SERINC5: variants seen among roughly 807,000 people sequenced by gnomAD.
SERINC5 encodes the protein serine incorporator 5, also known as chromosome 5 open reading frame 12.
Under a neutral mutation model 63.1 loss-of-function variants are expected in SERINC5, and 41 were observed. The ratio of observed to expected loss-of-function variants is 0.65; its 90% CI spans 0.51 to 0.84. SERINC5 has a LOEUF of 0.84. Among genes scored for constraint, SERINC5 ranks in the 40% least tolerant of loss-of-function variants. The pLI is 0.00. For missense variants in SERINC5, 523 were observed against 573.0 expected (o/e 0.91, Z 0.89); for synonymous variants, 222 against 215.2 (o/e 1.03, Z -0.28).
chr5:80,218,760 C>T (rs1300240310), intron 1 of SERINC5, among the ~76,000 whole-genome samples: 1 of 152,060 alleles, frequency 6.6e-6, no homozygotes, highest in East Asian at 1.9e-4. Context: ...CCTTCCTGCG[C>T]TTCTGAGAAG....
At chr5:80,160,726 T>C (rs1293193740) in intron 7 of SERINC5, among the ~76,000 whole-genome samples, 1 of 152,048 alleles carries the variant, frequency 6.6e-6, no homozygotes, top group Non-Finnish European at 1.5e-5. Flanking sequence ...GTCTTCACTA[T>C]CATTCCACAC....
At chr5:80,207,009 A>T (rs565081692) in intron 1 of SERINC5, among the ~76,000 whole-genome samples, 1 of 151,520 alleles carries the variant, frequency 6.6e-6, no homozygotes, top group African/African-American at 2.4e-5. Flanking sequence ...ATATATATAT[A>T]TATTTTTTAG....
chr5:80,165,995 A>C (rs1265555425), intron 7 of SERINC5, among the ~76,000 whole-genome samples: 1 of 152,162 alleles, frequency 6.6e-6, no homozygotes, highest in Non-Finnish European at 1.5e-5. Flanking sequence ...GTAGGCGTAC[A>C]TATTTCTGTG....
At chr5:80,173,561 A>C (rs1480823069) in intron 5 of SERINC5, among the ~76,000 whole-genome samples, 1 of 152,146 alleles carries the variant, frequency 6.6e-6, no homozygotes, top group East Asian at 1.9e-4. Flanking sequence ...GTGCCACTGC[A>C]CTCCAGCCTG....
At position 80,139,474 on chromosome 5, in the gene SERINC5, TC is replaced by T. The variant is rs1427015527; in HGVS notation, c.*4188del. On this transcript the variant is annotated 3_prime_UTR_variant, in exon 12 of 12. Coordinates refer to ENST00000507668, the MANE Select transcript of SERINC5 (RefSeq NM_001174072.3). ...GACATATGCATTCTTAATCTGCCCT[TC>T]CCCATTTGTTTCTTTCTGAAAGGAT... The T allele has an allele frequency of 1.0e-6, 1 of 983,510 alleles. No homozygotes were observed. Among genetic ancestry groups the T allele is most frequent in the Non-Finnish European group, 1.2e-6 (1 of 828,562 alleles). The allele number at this position is 983,510 out of a possible 1,614,324, so 60.9% of individuals were successfully genotyped here.
chr5:80,182,018 A>C (rs1251497605), intron 2 of SERINC5, among the ~76,000 whole-genome samples: 1 of 152,216 alleles, frequency 6.6e-6, no homozygotes, highest in African/African-American at 2.4e-5. Context: ...TTAATCAGTA[A>C]CATTTATATA....
chr5:80,227,411 G>C (rs890445087), intron 1 of SERINC5, among the ~76,000 whole-genome samples: 7 of 151,910 alleles, frequency 4.6e-5, no homozygotes, highest in African/African-American at 7.3e-5. Context: ...GTGCTGCTAT[G>C]GTGCCGTCTC....
chr5:80,148,771 C>T (rs986800551), intron 9 of SERINC5, among the ~76,000 whole-genome samples: 5 of 152,072 alleles, frequency 3.3e-5, no homozygotes, highest in Non-Finnish European at 5.9e-5. Context: ...CACTTTGTGG[C>T]TGAAGATATT....
At chr5:80,152,967 A>G (rs1746280894) in intron 8 of SERINC5, among the ~76,000 whole-genome samples, 1 of 152,206 alleles carries the variant, frequency 6.6e-6, no homozygotes. Flanking sequence ...GCCTCAGAGT[A>G]AATATTCTAC....
chr5:80,184,139 T>TA (rs139425372), intron 2 of SERINC5, among the ~76,000 whole-genome samples: 2,795 of 152,306 alleles, frequency 0.018, 100 homozygotes, highest in African/African-American at 0.063. Flanking sequence ...TTTGAATCTC[T>TA]AAAAGCTACA....
chr5:80,182,541 ACCG>A (rs537951454), intron 2 of SERINC5, among the ~76,000 whole-genome samples: 1 of 34,794 alleles, frequency 2.9e-5, no homozygotes, highest in African/African-American at 2.0e-4. Flanking sequence ...CTATCATCTG[ACCG>A]CCCCCCCCCC....
chr5:80,117,281 C>G (rs4704611), intron 11 of SERINC5, among the ~76,000 whole-genome samples: 49,830 of 151,982 alleles, frequency 0.33, 8,591 homozygotes, highest in Middle Eastern at 0.37. Flanking sequence ...CAGATGGGAC[C>G]TCACCTCTCT....
intron 9 of SERINC5, among the ~76,000 whole-genome samples, chr5:80,150,583 G>T (rs2112318749): frequency 6.6e-6 from 1 of 152,230 alleles, no homozygotes; most frequent in East Asian, 1.9e-4. Flanking sequence ...CTACAGGTGT[G>T]AGCAACCATG....
chr5:80,209,818 T>A (rs1015961331), intron 1 of SERINC5, among the ~76,000 whole-genome samples: 1 of 152,054 alleles, frequency 6.6e-6, no homozygotes, highest in Non-Finnish European at 1.5e-5. Flanking sequence ...CAGCACTGGG[T>A]AGGCGGATCA....
intron 5 of SERINC5, among the ~76,000 whole-genome samples, chr5:80,173,586 A>G (rs1165230874): frequency 6.6e-6 from 1 of 151,176 alleles, no homozygotes; most frequent in Non-Finnish European, 1.5e-5. Context: ...ACAGAACGAG[A>G]CTCTGTCTCA....
chr5:80,222,122 T>C (rs1215293908), intron 1 of SERINC5, among the ~76,000 whole-genome samples: 1 of 152,104 alleles, frequency 6.6e-6, no homozygotes, highest in Non-Finnish European at 1.5e-5. Flanking sequence ...CACTCCAGCC[T>C]GGGTGACAAA....
At chr5:80,220,231 A>G (rs992757779) in intron 1 of SERINC5, among the ~76,000 whole-genome samples, 3 of 114,452 alleles carry the variant, frequency 2.6e-5, no homozygotes, top group African/African-American at 7.3e-5. Context: ...AAAAAAAAAA[A>G]AGAGAGAGAG....
intron 11 of SERINC5, among the ~76,000 whole-genome samples, chr5:80,115,748 T>C (rs754676574): frequency 5.3e-5 from 8 of 152,026 alleles, no homozygotes; most frequent in Non-Finnish European, 1.2e-4. Context: ...TAAATATAAT[T>C]TCAATCCCAG....
At chr5:80,168,731 T>C (rs1439096432) in intron 6 of SERINC5, among the ~76,000 whole-genome samples, 1 of 152,216 alleles carries the variant, frequency 6.6e-6, no homozygotes. Context: ...CATTTATACT[T>C]CCTAAAGCAC....
Sources: gnomAD v4.1 joint callset for allele counts (sites outside exome capture counted in the v4.1 genomes callset) on GRCh38, gnomAD v4.1.1 for gene constraint, MANE v1.5 for transcripts, NCBI Gene and HGNC (gene_info 2026-07-23, HGNC 2026-07-21) for gene names.